Variants in RGS7 observed in about 807,000 individuals in gnomAD.
The protein encoded by RGS7 is regulator of G protein signaling 7, also known as regulator of G-protein signaling 7.
Under a neutral mutation model 81.1 loss-of-function variants are expected in RGS7, and 27 were observed. That is an observed-to-expected ratio of 0.33 (90% CI 0.25 to 0.46). RGS7 has a LOEUF of 0.46. Among genes scored for constraint, RGS7 ranks in the 20% least tolerant of loss-of-function variants. The pLI is 1.00. For missense variants in RGS7, 396 were observed against 607.4 expected (o/e 0.65, Z 3.66); for synonymous variants, 208 against 207.7 (o/e 1.00, Z -0.01).
At chr1:240,840,376 C>T (rs1572359643) in intron 9 of RGS7, among the ~76,000 whole-genome samples, 1 of 151,996 alleles carries the variant, frequency 6.6e-6, no homozygotes, top group South Asian at 2.1e-4. Flanking sequence ...TGGGTTCAAG[C>T]GATTCTCCTG....
chr1:240,826,613 G>A (rs1476404132), intron 10 of RGS7, among the ~76,000 whole-genome samples: 3 of 152,054 alleles, frequency 2.0e-5, no homozygotes, highest in Non-Finnish European at 4.4e-5. Flanking sequence ...AGAAACTATT[G>A]CTGTGCATTT....
chr1:241,057,840 C>A (rs1173628467), intron 3 of RGS7, among the ~76,000 whole-genome samples: 1 of 151,900 alleles, frequency 6.6e-6, no homozygotes, highest in Admixed American at 6.6e-5. Context: ...CCAGCCTGGG[C>A]GACAAAGCGA....
chr1:240,916,334 T>C (rs1572746125), intron 6 of RGS7, among the ~76,000 whole-genome samples: 1 of 148,246 alleles, frequency 6.7e-6, no homozygotes, highest in East Asian at 2.0e-4. Flanking sequence ...GTCTAAAAAC[T>C]GTGGGGGTAA....
chr1:241,096,355 G>A (rs2064259668), intron 3 of RGS7, among the ~76,000 whole-genome samples: 1 of 152,064 alleles, frequency 6.6e-6, no homozygotes, highest in South Asian at 2.1e-4. Flanking sequence ...AGTGAATGGA[G>A]CTTGAGAACA....
intron 4 of RGS7, among the ~76,000 whole-genome samples, chr1:240,950,333 C>T (rs1198121254): frequency 2.6e-5 from 4 of 152,146 alleles, no homozygotes; most frequent in African/African-American, 4.8e-5. Flanking sequence ...GCCCAGAGCC[C>T]TCTCTATAAC....
intron 6 of RGS7, among the ~76,000 whole-genome samples, chr1:240,899,798 C>T (rs562388259): frequency 5.9e-5 from 9 of 152,144 alleles, no homozygotes; most frequent in Admixed American, 1.3e-4. Flanking sequence ...ATCTTTGTGG[C>T]GTTCTCTGTA....
At chr1:241,143,286 C>T (rs2068064129) in intron 2 of RGS7, among the ~76,000 whole-genome samples, 1 of 152,190 alleles carries the variant, frequency 6.6e-6, no homozygotes, top group Non-Finnish European at 1.5e-5. Context: ...TTCAGCAATA[C>T]CCCACTCTAC....
chr1:241,299,524 C>A (rs1434290508), intron 2 of RGS7, among the ~76,000 whole-genome samples: 1 of 151,810 alleles, frequency 6.6e-6, no homozygotes, highest in Non-Finnish European at 1.5e-5. Flanking sequence ...ATTTCATCAT[C>A]AGCTTTGGCT....
intron 2 of RGS7, among the ~76,000 whole-genome samples, chr1:241,296,416 T>A (rs1558286067): frequency 6.6e-6 from 1 of 152,192 alleles, no homozygotes; most frequent in Non-Finnish European, 1.5e-5. Context: ...AAGTCGCTAC[T>A]GGAAATAGTG....
intron 18 of RGS7, among the ~76,000 whole-genome samples, chr1:240,778,218 A>G (rs934450508): frequency 5.9e-5 from 9 of 152,166 alleles, no homozygotes; most frequent in African/African-American, 2.2e-4. Context: ...ATGACCTTCC[A>G]AAGGCCCTGG....
At position 241,342,139 on chromosome 1, in the gene RGS7, G is replaced by GAACCAC. The variant is rs1441462357; in HGVS notation, c.78+13559_78+13560insGTGGTT. 6.6e-5 allele frequency among the ~76,000 whole-genome samples: 10 copies of GAACCAC among 152,196 alleles called. No individual in the cohort carries two copies. The East Asian group carries it at 1.9e-3, about 29-fold the overall frequency. On this transcript the variant is annotated intron_variant, in intron 2 of 18. Coordinates refer to ENST00000440928, the MANE Select transcript of RGS7 (RefSeq NM_001364886.1). Reference sequence around the variant, plus strand: ...TCTGTCCACCTCAGCCTTCCAAAGTGCTGGGATTACAGGCATGAACCACCA... The same window carrying GAACCAC: ...TCTGTCCACCTCAGCCTTCCAAAGTGAACCACCTGGGATTACAGGCATGAACCACCA...
intron 2 of RGS7, among the ~76,000 whole-genome samples, chr1:241,250,395 C>T (rs2148207687): frequency 6.6e-6 from 1 of 151,974 alleles, no homozygotes; most frequent in Non-Finnish European, 1.5e-5. Flanking sequence ...CCATTTGCAG[C>T]TTATGAACTG....
At chr1:241,350,511 C>T (rs2083167674) in intron 2 of RGS7, among the ~76,000 whole-genome samples, 1 of 152,106 alleles carries the variant, frequency 6.6e-6, no homozygotes, top group African/African-American at 2.4e-5. Context: ...ACAAACATTC[C>T]TTCCTTTTCT....
At chr1:240,943,908 G>A (rs1231394226) in intron 4 of RGS7, among the ~76,000 whole-genome samples, 3 of 152,014 alleles carry the variant, frequency 2.0e-5, no homozygotes, top group African/African-American at 7.2e-5. Flanking sequence ...ATCAGAATGG[G>A]AGATGAATTC....
At chr1:240,918,983 C>T (rs759127159) in intron 6 of RGS7, among the ~76,000 whole-genome samples, 3 of 151,912 alleles carry the variant, frequency 2.0e-5, no homozygotes, top group Non-Finnish European at 4.4e-5. Flanking sequence ...ATTTTTGGTT[C>T]AAAAATTTGA....
chr1:241,063,482 T>C (rs1204050011), intron 3 of RGS7, among the ~76,000 whole-genome samples: 1 of 152,206 alleles, frequency 6.6e-6, no homozygotes, highest in East Asian at 1.9e-4. Context: ...CCGCTCAGCA[T>C]GTGAATCCCA....
At chr1:241,196,991 T>TA (rs34557484) in intron 2 of RGS7, among the ~76,000 whole-genome samples, 51,097 of 132,282 alleles carry the variant, frequency 0.39, 10,393 homozygotes, top group East Asian at 0.66. Context: ...CAAAAGAATG[T>TA]AAAAAAAAAA....
intron 3 of RGS7, among the ~76,000 whole-genome samples, chr1:241,029,133 AAAAC>A (rs915029419): frequency 2.3e-5 from 2 of 85,270 alleles, no homozygotes; most frequent in African/African-American, 6.6e-5. Flanking sequence ...GTAAAAAAGA[AAAAC>A]AAAACAAAAA....
intron 2 of RGS7, among the ~76,000 whole-genome samples, chr1:241,342,208 T>C (rs1195166505): frequency 6.6e-6 from 1 of 152,112 alleles, no homozygotes; most frequent in Non-Finnish European, 1.5e-5. Flanking sequence ...TGCCTGGATA[T>C]TAGTCAGCTA....
Sources: allele counts gnomAD v4.1 joint callset (sites outside exome capture counted in the v4.1 genomes callset), GRCh38; gene constraint gnomAD v4.1.1; transcripts MANE v1.5; gene names NCBI Gene and HGNC (gene_info 2026-07-23, HGNC 2026-07-21).